Variants in SPEF2 observed in about 807,000 individuals in gnomAD.
SPEF2 encodes the protein sperm flagellar and cilia associated 2.
A neutral mutation model predicts 224.6 loss-of-function variants in SPEF2; 187 were observed. The observed-to-expected ratio is 0.83, with a 90% CI of 0.74 to 0.94. The LOEUF is 0.94. SPEF2 is among the 40% of genes least tolerant of loss of function. The probability of loss-of-function intolerance (pLI) is 0.00; values close to 1 mark genes in which losing one functional copy is unlikely to be tolerated. For missense variants in SPEF2, 2,170 were observed against 2,135.6 expected, an observed-to-expected ratio of 1.02 and a Z score of -0.32; for synonymous variants, 715 against 707.3, an observed-to-expected ratio of 1.01 and a Z score of -0.17.
chr5:35,764,385 G>A (rs1181594064), intron 26 of SPEF2, among the ~76,000 whole-genome samples: 3 of 151,804 alleles, frequency 2.0e-5, no homozygotes, highest in South Asian at 4.2e-4. Context: ...TTTGAACCTA[G>A]GTCTATATGA....
intron 9 of SPEF2, among the ~76,000 whole-genome samples, chr5:35,668,301 A>G (rs1237413577): frequency 1.3e-5 from 2 of 152,168 alleles, no homozygotes; most frequent in Non-Finnish European, 2.9e-5. Context: ...CATCCGTATC[A>G]TGGAATATTG....
intron 26 of SPEF2, among the ~76,000 whole-genome samples, chr5:35,770,208 G>A (rs1234541288): frequency 3.3e-5 from 5 of 151,972 alleles, no homozygotes; most frequent in African/African-American, 7.3e-5. Flanking sequence ...GAAGACAAAC[G>A]TGTACATATA....
At chr5:35,668,296 G>A (rs143244640) in intron 9 of SPEF2, among the ~76,000 whole-genome samples, 51 of 152,108 alleles carry the variant, frequency 3.4e-4, no homozygotes, top group Non-Finnish European at 5.1e-4. Flanking sequence ...TGATACATCC[G>A]TATCATGGAA....
At chr5:35,659,880 A>G (rs1045629391) in intron 8 of SPEF2, among the ~76,000 whole-genome samples, 1 of 151,508 alleles carries the variant, frequency 6.6e-6, no homozygotes, top group Non-Finnish European at 1.5e-5. Flanking sequence ...TCTTTAATCA[A>G]CAATTCCTTG....
At chr5:35,659,320 G>A in intron 8 of SPEF2, 113 bp downstream of exon 8, 1 of 1,078,376 alleles carries the variant, frequency 9.3e-7, no homozygotes, top group Middle Eastern at 2.4e-4. Context: ...ATTTTCTTTT[G>A]TATGATCAAC....
chr5:35,717,445 G>A (rs746190879), intron 20 of SPEF2, among the ~76,000 whole-genome samples: 1 of 152,152 alleles, frequency 6.6e-6, no homozygotes, highest in East Asian at 1.9e-4. Flanking sequence ...GTGCTACCAA[G>A]CCACTTAAAA....
Position 35,739,983 on chromosome 5 carries a change from A to G in SPEF2, c.3128A>G (p.Lys1043Arg), listed in dbSNP as rs1747317553. 6.2e-7 allele frequency: 1 copy of G among 1,613,992 alleles called. No homozygotes were observed. The highest frequency in any genetic ancestry group is 1.7e-5 in the Admixed American group (1 of 59,996). ...LIENSYINTI[K>R]TVLRHLREDQ... ...GAAAATTCCTATATAAACACCATCA[A>G]AACAGTACTCAGGCATCTGAGGGAA... Residue 1043 changes from lysine to arginine, a missense_variant, in exon 22 of 37, where the codon AAA becomes AGA. Physicochemically the swap from Lys to Arg is conservative, Grantham distance 26. Coordinates refer to ENST00000356031, the MANE Select transcript of SPEF2 (RefSeq NM_024867.4).
At chr5:35,758,576 G>T (rs1434069179) in intron 24 of SPEF2, among the ~76,000 whole-genome samples, 1 of 152,046 alleles carries the variant, frequency 6.6e-6, no homozygotes, top group Non-Finnish European at 1.5e-5. Context: ...AGCTCTTCTG[G>T]GTTGCTACAT....
chr5:35,717,321 A>G (rs2149620157), intron 20 of SPEF2, among the ~76,000 whole-genome samples: 1 of 152,326 alleles, frequency 6.6e-6, no homozygotes, highest in Non-Finnish European at 1.5e-5. Context: ...GTTCTCTGGA[A>G]CAAACACTTG....
At chr5:35,725,638 T>C (rs1274585321) in intron 20 of SPEF2, among the ~76,000 whole-genome samples, 1 of 152,210 alleles carries the variant, frequency 6.6e-6, no homozygotes, top group Non-Finnish European at 1.5e-5. Flanking sequence ...TTCCAGCTCT[T>C]GACTTTTAAT....
chr5:35,666,614 A>G (rs780244914), intron 8 of SPEF2, among the ~76,000 whole-genome samples: 20 of 152,206 alleles, frequency 1.3e-4, no homozygotes, highest in Non-Finnish European at 2.5e-4. Flanking sequence ...AACCAGTATT[A>G]TAGAACTCTC....
chr5:35,737,605 G>A (rs1279462039), intron 21 of SPEF2, among the ~76,000 whole-genome samples: 1 of 152,026 alleles, frequency 6.6e-6, no homozygotes, highest in Non-Finnish European at 1.5e-5. Flanking sequence ...TCTTAATCCA[G>A]TCTATCATTG....
chr5:35,736,690 A>G (rs1327356336), intron 21 of SPEF2, among the ~76,000 whole-genome samples: 1 of 152,236 alleles, frequency 6.6e-6, no homozygotes, highest in Non-Finnish European at 1.5e-5. Flanking sequence ...GCCAAACCAT[A>G]TCATGGATGC....
At position 35,761,337 on chromosome 5, in the gene SPEF2, A is replaced by G. The variant is rs554605560; in HGVS notation, c.3620+1618A>G. Among the ~76,000 whole-genome samples the G allele has an allele frequency of 2.6e-5, 4 of 152,314 alleles. No individual in the cohort carries two copies. In the South Asian group the frequency reaches 6.2e-4, roughly 24 times the overall value. On this transcript the variant is annotated intron_variant, in intron 25 of 36. Transcript: ENST00000356031. ...AGGGTTGTTGTGAAGATTATGGAAA[A>G]TAAAATCTACAAAGCATTTAGTACC...
At chr5:35,750,996 T>C (rs868234664) in intron 23 of SPEF2, among the ~76,000 whole-genome samples, 6 of 113,974 alleles carry the variant, frequency 5.3e-5, no homozygotes, top group Admixed American at 8.9e-5. Context: ...TATATATATA[T>C]GTATATATAT....
chr5:35,702,832 T>C (rs1738924223), intron 16 of SPEF2, among the ~76,000 whole-genome samples: 1 of 152,176 alleles, frequency 6.6e-6, no homozygotes, highest in Admixed American at 6.5e-5. Context: ...TGACATAATA[T>C]ATGTAACAGC....
At position 35,704,581 on chromosome 5, in the gene SPEF2, A is replaced by G; in HGVS notation, c.2426A>G (p.His809Arg). 6.2e-7 allele frequency: 1 copy of G among 1,612,526 alleles called. No individual in the cohort carries two copies. Among genetic ancestry groups the G allele is most frequent in the Non-Finnish European group, 8.5e-7 (1 of 1,179,200 alleles). Residue 809 changes from histidine (H) to arginine (R), a missense_variant, in exon 17 of 37, where the codon CAC becomes CGC. Transcript: ENST00000356031. The part of the protein sequence containing the change: ...IAEELSYKTA[H>R]EDISQRVAAE... ...GAAGAATTGTCCTATAAAACTGCTC[A>G]CGAAGATATCAGTCAACGTGTAGCT... is the stretch of plus-strand genomic sequence containing the variant.
chr5:35,671,687 T>G (rs1045195307), intron 10 of SPEF2: 1 of 235,642 alleles, frequency 4.2e-6, no homozygotes, highest in Admixed American at 6.5e-5. Flanking sequence ...TTAGCAAAGA[T>G]TTTTGTCTCT....
intron 30 of SPEF2, among the ~76,000 whole-genome samples, chr5:35,791,864 T>C (rs1485644071): frequency 1.3e-5 from 2 of 152,138 alleles, no homozygotes; most frequent in Non-Finnish European, 2.9e-5. Context: ...AAAGCAAATA[T>C]GGTCTGATCC....
Sources: gnomAD v4.1 joint callset for allele counts (sites outside exome capture counted in the v4.1 genomes callset) on GRCh38, gnomAD v4.1.1 for gene constraint, MANE v1.5 for transcripts, NCBI Gene and HGNC (gene_info 2026-07-23, HGNC 2026-07-21) for gene names.